Variants in VAC14 observed in about 807,000 individuals in gnomAD.
VAC14 encodes the protein protein VAC14 homolog.
VAC14 carries 47 observed loss-of-function variants against 85.3 expected under a neutral mutation model. The ratio of observed to expected loss-of-function variants is 0.55; its 90% CI spans 0.44 to 0.70. The LOEUF (loss-of-function observed/expected upper bound fraction) is 0.70, where lower values mean the gene tolerates loss of function less well. VAC14 is among the 30% of genes least tolerant of loss of function. VAC14 has a pLI of 0.00. For synonymous variants in VAC14, 447 were observed against 430.5 expected (o/e 1.04, Z -0.47); for missense variants, 861 against 1,004.3 (o/e 0.86, Z 1.93).
At chr16:70,749,549 T>A (rs2031204306) in intron 12 of VAC14, among the ~76,000 whole-genome samples, 1 of 152,230 alleles carries the variant, frequency 6.6e-6, no homozygotes, top group Admixed American at 6.5e-5. Flanking sequence ...GAGACAACAC[T>A]GTGTGCGCTT....
intron 7 of VAC14, 38 bp downstream of exon 7, chr16:70,782,995 G>C (rs1305518862): frequency 6.3e-7 from 1 of 1,581,178 alleles, no homozygotes; most frequent in East Asian, 2.2e-5. Context: ...GGCAGCAGCA[G>C]TGGCAGCCGT....
At chr16:70,718,573 TAAAAA>T (rs1202785836) in intron 14 of VAC14, among the ~76,000 whole-genome samples, 1 of 143,210 alleles carries the variant, frequency 7.0e-6, no homozygotes, top group East Asian at 2.1e-4. Context: ...GACTCCTTTT[TAAAAA>T]AAAAAAAAAC....
chr16:70,782,670 C>G (rs117734976), intron 7 of VAC14, among the ~76,000 whole-genome samples: 2 of 152,304 alleles, frequency 1.3e-5, no homozygotes, highest in East Asian at 3.9e-4. Context: ...TAGGGAATGA[C>G]GTTTTGTGGT....
intron 12 of VAC14, chr16:70,755,367 C>T (rs1449116822): frequency 4.9e-6 from 1 of 202,500 alleles, no homozygotes; most frequent in African/African-American, 2.4e-5. Context: ...CAGCCAAGGA[C>T]AAAACCCTAT....
At chr16:70,710,895 C>T (rs1040263182) in intron 14 of VAC14, among the ~76,000 whole-genome samples, 1 of 152,266 alleles carries the variant, frequency 6.6e-6, no homozygotes, top group East Asian at 1.9e-4. Flanking sequence ...ACTAGTCTCT[C>T]GTGTTCCCGT....
intron 1 of VAC14, among the ~76,000 whole-genome samples, chr16:70,796,963 C>T (rs966357299): frequency 4.6e-5 from 7 of 152,186 alleles, no homozygotes; most frequent in African/African-American, 1.7e-4. Flanking sequence ...GGCAGTGGCT[C>T]TTGCCTGTAA....
intron 18 of VAC14, chr16:70,691,122 G>A (rs1267407200): frequency 5.1e-6 from 5 of 985,494 alleles, no homozygotes; most frequent in Non-Finnish European, 6.0e-6. Flanking sequence ...GGGAGATTCT[G>A]AGGAAAGCCT....
chr16:70,786,336 T>C lies in VAC14; in HGVS notation c.134A>G (p.Asn45Ser). ...KLVREFVAQN[N>S]TVQIKHVIQT... ...GATCACATGCTTGATTTGCACGGTA[T>C]TGTTCTGGGCCACGAACTCCCGGAC... Residue 45 changes from asparagine (N) to serine (S), a missense_variant, in exon 2 of 19, where the codon AAT (asparagine) becomes AGT (serine). By Grantham distance (46) the Asn-to-Ser change is conservative. Coordinates refer to ENST00000261776, the MANE Select transcript of VAC14 (RefSeq NM_018052.5). 6.2e-7 allele frequency: 1 copy of C among 1,614,172 alleles called. No individual in the cohort carries two copies. The highest frequency in any genetic ancestry group is 8.5e-7 in the Non-Finnish European group (1 of 1,180,028).
intron 14 of VAC14, among the ~76,000 whole-genome samples, chr16:70,701,032 TCCCAGAGA>T (rs968566569): frequency 6.6e-6 from 1 of 152,148 alleles, no homozygotes; most frequent in Non-Finnish European, 1.5e-5. Context: ...CCTCCTGGTG[TCCCAGAGA>T]AGCTGGGGAA....
chr16:70,691,883 C>G, intron 18 of VAC14: 1 of 985,316 alleles, frequency 1.0e-6, no homozygotes, highest in South Asian at 4.7e-5. Flanking sequence ...CTGTGTCCAT[C>G]GCAAAGGCGA....
intron 14 of VAC14, among the ~76,000 whole-genome samples, chr16:70,726,913 C>T (rs952313194): frequency 7.2e-5 from 11 of 152,222 alleles, no homozygotes; most frequent in African/African-American, 2.7e-4. Context: ...TCAAGCCTGG[C>T]TGGAGCTTGG....
intron 12 of VAC14, among the ~76,000 whole-genome samples, chr16:70,745,445 A>C (rs2030773152): frequency 1.3e-5 from 2 of 151,702 alleles, no homozygotes; most frequent in South Asian, 4.2e-4. Context: ...GGCAATAGGG[A>C]GAGGGGCCAC....
chr16:70,749,630 C>G (rs2031215005), intron 12 of VAC14, among the ~76,000 whole-genome samples: 1 of 152,268 alleles, frequency 6.6e-6, no homozygotes, highest in Non-Finnish European at 1.5e-5. Flanking sequence ...AACAGCATCC[C>G]CATCCCCATC....
chr16:70,693,179 C>A (rs1248234271), intron 17 of VAC14, among the ~76,000 whole-genome samples: 1 of 152,218 alleles, frequency 6.6e-6, no homozygotes, highest in Non-Finnish European at 1.5e-5. Flanking sequence ...GCTGCCCCCA[C>A]CTCCCCCAGG....
chr16:70,776,737 T>G (rs1256465881), intron 9 of VAC14, among the ~76,000 whole-genome samples: 1 of 151,468 alleles, frequency 6.6e-6, no homozygotes, highest in African/African-American at 2.4e-5. Flanking sequence ...CTTCAGTTTT[T>G]AATTTAAATA....
At chr16:70,757,738 A>G (rs2031986002) in intron 12 of VAC14, among the ~76,000 whole-genome samples, 1 of 152,198 alleles carries the variant, frequency 6.6e-6, no homozygotes. Flanking sequence ...GGCCCTTTAC[A>G]GAAATGACCT....
chr16:70,732,417 T>C (rs952827060), intron 13 of VAC14, among the ~76,000 whole-genome samples: 1 of 152,034 alleles, frequency 6.6e-6, no homozygotes, highest in African/African-American at 2.4e-5. Context: ...GATACCACCA[T>C]CCCTTCCAGA....
At chr16:70,688,443 T>C in intron 18 of VAC14, 1 of 1,003,046 alleles carries the variant, frequency 1.0e-6, no homozygotes, top group Non-Finnish European at 1.2e-6. Flanking sequence ...GGAAGCCAGC[T>C]GGGGCCTGGA....
chr16:70,742,111 C>A (rs2030380621), intron 13 of VAC14, among the ~76,000 whole-genome samples: 1 of 152,204 alleles, frequency 6.6e-6, no homozygotes, highest in African/African-American at 2.4e-5. Context: ...CACAGAGGGC[C>A]TGGGAGGCCT....
Sources: gnomAD v4.1 joint callset for allele counts (sites outside exome capture counted in the v4.1 genomes callset) on GRCh38, gnomAD v4.1.1 for gene constraint, MANE v1.5 for transcripts, NCBI Gene and HGNC (gene_info 2026-07-23, HGNC 2026-07-21) for gene names.